Variants in MYO10 observed in about 807,000 individuals in gnomAD.
MYO10 encodes unconventional myosin-X.
MYO10 carries 133 observed loss-of-function variants against 257.3 expected under a neutral mutation model. That is an observed-to-expected ratio of 0.52 (90% CI 0.45 to 0.60). The LOEUF is 0.60. Among genes scored for constraint, MYO10 ranks in the 20% least tolerant of loss-of-function variants. The probability of loss-of-function intolerance (pLI) is 0.00; values close to 1 mark genes in which losing one functional copy is unlikely to be tolerated. For synonymous variants in MYO10, 1,104 were observed against 1,028.6 expected (o/e 1.07, Z -1.40); for missense variants, 2,399 against 2,635.7 (o/e 0.91, Z 1.97).
intron 3 of MYO10, among the ~76,000 whole-genome samples, chr5:16,796,474 A>AAG (rs1560989933): frequency 7.7e-6 from 1 of 130,016 alleles, no homozygotes. Flanking sequence ...GAAAGAAAAG[A>AAG]AAAGAAAAGA....
chr5:16,891,315 AGAGAAAAG>A (rs1745042624), intron 1 of MYO10, among the ~76,000 whole-genome samples: 4 of 137,818 alleles, frequency 2.9e-5, no homozygotes, highest in Non-Finnish European at 6.2e-5. Context: ...GAAAAGGAGA[AGAGAAAAG>A]GAAGGAAGGA....
chr5:16,685,602 CCTT>C (rs1267007414), intron 29 of MYO10, 133 bp downstream of exon 29: 22 of 643,190 alleles, frequency 3.4e-5, no homozygotes, highest in Non-Finnish European at 5.4e-5. Context: ...CTGTTTTTCT[CCTT>C]AATTATTCTA....
At chr5:16,935,448 G>C (rs1451611413) in intron 1 of MYO10, among the ~76,000 whole-genome samples, 1 of 152,092 alleles carries the variant, frequency 6.6e-6, no homozygotes, top group Non-Finnish European at 1.5e-5. Flanking sequence ...TCCTGCACCC[G>C]GGCAGTCGAG....
At chr5:16,798,485 GA>G (rs113655164) in intron 3 of MYO10, among the ~76,000 whole-genome samples, 3 of 148,670 alleles carry the variant, frequency 2.0e-5, no homozygotes, top group South Asian at 2.1e-4. Flanking sequence ...ATGGAAGTTG[GA>G]AAAAAAAAAG....
At position 16,666,384 on chromosome 5, in the gene MYO10, C is replaced by G; in HGVS notation, c.*308G>C. On this transcript the variant is annotated 3_prime_UTR_variant, in exon 41 of 41. Transcript: ENST00000513610. ...CAGTTACGGTCGATTAGTGTTGGTT[C>G]CACAAGTTAAGGCACTTCCGGCTGC... The G allele has an allele frequency of 3.3e-6, 1 of 300,970 alleles. No individual in the cohort carries two copies. 18.6% of individuals were successfully genotyped at this position (300,970 alleles called of 1,614,324 possible).
chr5:16,814,826 TAGAA>T (rs1239645834), intron 3 of MYO10: 3 of 152,202 alleles, frequency 2.0e-5, no homozygotes, highest in Non-Finnish European at 2.9e-5. Flanking sequence ...GGTTTCCCCT[TAGAA>T]AGGAAGAATA....
At chr5:16,713,585 G>C (rs1037739075) in intron 19 of MYO10, 2 of 788,834 alleles carry the variant, frequency 2.5e-6, no homozygotes, top group Non-Finnish European at 1.5e-6. Flanking sequence ...GCGGCCTCGA[G>C]ATCCAGGCTC....
chr5:16,743,035 T>C (rs1027048805), intron 19 of MYO10, among the ~76,000 whole-genome samples: 1 of 152,068 alleles, frequency 6.6e-6, no homozygotes, highest in Non-Finnish European at 1.5e-5. Flanking sequence ...CAGGAGAATC[T>C]CTTGAACCCG....
chr5:16,902,319 G>T, intron 1 of MYO10: 1 of 904,642 alleles, frequency 1.1e-6, no homozygotes, highest in Non-Finnish European at 1.8e-6. Context: ...TAGGGGACAT[G>T]GGGCAGCACC....
intron 2 of MYO10, among the ~76,000 whole-genome samples, chr5:16,828,064 C>T (rs1302646670): frequency 6.6e-6 from 1 of 152,104 alleles, no homozygotes; most frequent in African/African-American, 2.4e-5. Flanking sequence ...GGCTATGAGT[C>T]CCTGGGCACA....
At chr5:16,749,625 G>A (rs1254132864) in intron 19 of MYO10, among the ~76,000 whole-genome samples, 1 of 152,208 alleles carries the variant, frequency 6.6e-6, no homozygotes, top group African/African-American at 2.4e-5. Flanking sequence ...ATCTTTGAGG[G>A]TATTGTTCTG....
chr5:16,674,980 G>C lies in MYO10; in HGVS notation c.4837C>G (p.Gln1613Glu). Residue 1613 changes from glutamine (Q) to glutamate (E), a missense_variant, in exon 35 of 41, where the codon CAG becomes GAG. Gln to Glu is a conservative substitution (Grantham distance 29, BLOSUM62 2). This residue lies in a region of MYO10 where 1,820 missense variants were observed against 1,939.4 expected (regional missense o/e 0.94). Coordinates refer to ENST00000513610, the MANE Select transcript of MYO10 (RefSeq NM_012334.3). ...CCGGGGTGGGGCACTTTGTTGGTCT[G>C]TTTGATAAGCTGGCAGTACAGCTCG... ...RDELYCQLIK[Q>E]TNKVPHPGSV... 6.2e-7 allele frequency: 1 copy of C among 1,614,062 alleles called. No individual in the cohort carries two copies. Among genetic ancestry groups the C allele is most frequent in the Non-Finnish European group, 8.5e-7 (1 of 1,179,916 alleles).
intron 2 of MYO10, among the ~76,000 whole-genome samples, chr5:16,851,145 T>C (rs978810319): frequency 2.1e-4 from 32 of 152,154 alleles, no homozygotes; most frequent in African/African-American, 7.7e-4. Context: ...CGTAAGACTT[T>C]ATTTCTACCA....
intron 21 of MYO10, among the ~76,000 whole-genome samples, chr5:16,709,948 AAGTACTTTTCATC>A (rs1231282376): frequency 6.6e-6 from 1 of 152,216 alleles, no homozygotes; most frequent in Non-Finnish European, 1.5e-5. Flanking sequence ...GGTGAAGCCT[AAGTACTTTTCATC>A]AATCTCACAT....
At position 16,923,694 on chromosome 5, in the gene MYO10, ACT is replaced by A. The variant is rs1491377466; in HGVS notation, c.21+12092_21+12093del. On this transcript the variant is annotated intron_variant, in intron 1 of 40. Coordinates refer to ENST00000513610, the MANE Select transcript of MYO10 (RefSeq NM_012334.3). ...CACACACACACACACACACACACAC[ACT>A]CCCTAACATCCTGGCCACCTAACAT... is the stretch of plus-strand genomic sequence containing the variant. Among the ~76,000 whole-genome samples, 1,126 of 149,272 alleles carry A rather than the reference ACT, an allele frequency of 7.5e-3. 3 individuals carry two copies. Among genetic ancestry groups the A allele is most frequent in the Middle Eastern group, 0.021 (6 of 292 alleles).
intron 4 of MYO10, 105 bp from the exon 5 acceptor site, chr5:16,783,574 G>T: frequency 1.6e-6 from 2 of 1,245,778 alleles, no homozygotes; most frequent in East Asian, 2.6e-5. Context: ...ATGGTAGAAA[G>T]GTGGGAAGAG....
Position 16,882,609 on chromosome 5 carries a change from A to G in MYO10, c.22-4902T>C, listed in dbSNP as rs13362526. 6.2e-3 allele frequency among the ~76,000 whole-genome samples: 947 copies of G among 152,300 alleles called. 13 individuals carry two copies. Among genetic ancestry groups the G allele is most frequent in the African/African-American group, 0.022 (902 of 41,568 alleles). ...ATCACTGATACATTCACCAACAAAGATGGACCATACACATCATGGTAAGTG... is the reference window on the plus strand; with the variant it reads ...ATCACTGATACATTCACCAACAAAGGTGGACCATACACATCATGGTAAGTG... On this transcript the variant is annotated intron_variant, in intron 1 of 40. Coordinates refer to ENST00000513610, the MANE Select transcript of MYO10 (RefSeq NM_012334.3).
intron 1 of MYO10, among the ~76,000 whole-genome samples, chr5:16,898,533 A>G (rs1347325413): frequency 1.3e-5 from 2 of 151,154 alleles, no homozygotes; most frequent in African/African-American, 2.4e-5. Context: ...CTGCCTCAGC[A>G]TCCCGAATAG....
chr5:16,859,270 T>G (rs1382693614), intron 2 of MYO10, among the ~76,000 whole-genome samples: 2 of 152,202 alleles, frequency 1.3e-5, no homozygotes, highest in Non-Finnish European at 2.9e-5. Context: ...TGGTGAGTGT[T>G]GCTTTCTGGT....
Sources: allele counts gnomAD v4.1 joint callset (sites outside exome capture counted in the v4.1 genomes callset), GRCh38; gene constraint gnomAD v4.1.1; regional missense constraint gnomAD v4.1.1; transcripts MANE v1.5; gene names NCBI Gene and HGNC (gene_info 2026-07-23, HGNC 2026-07-21).